The following NPAS3 variants were observed in gnomAD, a reference collection of about 807,000 sequenced individuals.
The protein encoded by NPAS3 is neuronal PAS domain protein 3, also known as neuronal PAS domain-containing protein 3.
In NPAS3, 14 loss-of-function variants were observed where a neutral mutation model predicts 73.1. The observed-to-expected ratio is 0.19, with a 90% CI of 0.13 to 0.30. The LOEUF (loss-of-function observed/expected upper bound fraction) is 0.30. Ranked by LOEUF, NPAS3 falls within the 10% of genes least tolerant of loss-of-function variation. NPAS3 has a pLI of 1.00. For synonymous variants in NPAS3, 620 were observed against 541.5 expected (o/e 1.14, Z -2.01); for missense variants, 1,096 against 1,250.0 (o/e 0.88, Z 1.86).
intron 2 of NPAS3, among the ~76,000 whole-genome samples, chr14:33,140,962 C>T (rs2044023789): frequency 6.6e-6 from 1 of 152,136 alleles, no homozygotes; most frequent in Admixed American, 6.5e-5. Flanking sequence ...GTATGTTTGC[C>T]TCTTCTTTGC....
At chr14:33,037,519 A>G (rs1343749310) in intron 1 of NPAS3, among the ~76,000 whole-genome samples, 1 of 151,688 alleles carries the variant, frequency 6.6e-6, no homozygotes, top group African/African-American at 2.4e-5. Context: ...AGAAAAAATT[A>G]GGTTGGTGTG....
chr14:33,628,794 G>C (rs774681390), intron 5 of NPAS3, among the ~76,000 whole-genome samples: 1 of 152,170 alleles, frequency 6.6e-6, no homozygotes, highest in African/African-American at 2.4e-5. Flanking sequence ...TGGGTATTGA[G>C]AGAGTAAGAA....
chr14:33,137,511 T>G (rs2043882753), intron 2 of NPAS3, among the ~76,000 whole-genome samples: 1 of 152,208 alleles, frequency 6.6e-6, no homozygotes, highest in South Asian at 2.1e-4. Context: ...GGTACTATTT[T>G]AATTGAAGTA....
intron 3 of NPAS3, among the ~76,000 whole-genome samples, chr14:33,332,300 T>C (rs1442034568): frequency 1.3e-5 from 2 of 152,206 alleles, no homozygotes; most frequent in Admixed American, 6.5e-5. Flanking sequence ...TACTTATCTT[T>C]ACAAAGATAA....
chr14:33,286,558 TG>T (rs1431411952), intron 3 of NPAS3, among the ~76,000 whole-genome samples: 2 of 152,208 alleles, frequency 1.3e-5, no homozygotes, highest in Non-Finnish European at 2.9e-5. Context: ...TATCTCCTTG[TG>T]GGGTTACCGA....
At chr14:33,547,790 C>T (rs1017553696) in intron 4 of NPAS3, among the ~76,000 whole-genome samples, 4 of 152,158 alleles carry the variant, frequency 2.6e-5, no homozygotes, top group African/African-American at 9.7e-5. Flanking sequence ...AGGCTACTGT[C>T]ATTTGTCAGG....
At chr14:33,380,075 C>G (rs754019635) in intron 4 of NPAS3, among the ~76,000 whole-genome samples, 2 of 148,764 alleles carry the variant, frequency 1.3e-5, no homozygotes, top group Non-Finnish European at 3.0e-5. Context: ...AAAAAAAATA[C>G]AGATAAGCAA....
At chr14:32,949,837 TTAAGG>T (rs1328883605) in intron 1 of NPAS3, among the ~76,000 whole-genome samples, 1 of 151,978 alleles carries the variant, frequency 6.6e-6, no homozygotes, top group Non-Finnish European at 1.5e-5. Context: ...ATATCACTGT[TTAAGG>T]TATTCTTTTT....
At chr14:33,095,691 G>C (rs71419938) in intron 2 of NPAS3, among the ~76,000 whole-genome samples, 12 of 113,394 alleles carry the variant, frequency 1.1e-4, no homozygotes, top group Non-Finnish European at 1.9e-4. Context: ...TTTTTTGAGA[G>C]GGAGTCTCGC....
intron 2 of NPAS3, among the ~76,000 whole-genome samples, chr14:33,190,087 C>T (rs776595681): frequency 6.6e-6 from 1 of 152,100 alleles, no homozygotes; most frequent in Non-Finnish European, 1.5e-5. Flanking sequence ...CAAGAAAATG[C>T]ATAGAAATAC....
At chr14:33,214,883 CT>C in intron 2 of NPAS3, 1 of 347,682 alleles carries the variant, frequency 2.9e-6, no homozygotes. Context: ...TGTAAACCTT[CT>C]GTTAGGTCTT....
rs184788375 is a variant in NPAS3 at position 32,966,201 on chromosome 14, C to T, written c.50+26835C>T. On this transcript the variant is annotated intron_variant, in intron 1 of 11. Coordinates refer to ENST00000356141, the Ensembl canonical transcript of NPAS3. ...TCTTTATAGAAATAGAAAAAGCAAT[C>T]CTAAAATTTGCAAGGAACCACATAA... 2.0e-5 allele frequency among the ~76,000 whole-genome samples: 3 copies of T among 152,172 alleles called. 1 individual carries two copies. Among genetic ancestry groups the T allele is most frequent in the Admixed American group, 2.0e-4 (3 of 15,290 alleles).
chr14:33,375,196 T>C (rs2046262191), intron 4 of NPAS3, among the ~76,000 whole-genome samples: 1 of 152,132 alleles, frequency 6.6e-6, no homozygotes, highest in Non-Finnish European at 1.5e-5. Flanking sequence ...GAAAGTTGAG[T>C]GACCCTGTAG....
chr14:33,086,556 G>A (rs2042032194), intron 2 of NPAS3, among the ~76,000 whole-genome samples: 2 of 152,124 alleles, frequency 1.3e-5, no homozygotes, highest in South Asian at 4.1e-4. Context: ...AGTAATGTAA[G>A]ACAAATAATG....
intron 2 of NPAS3, among the ~76,000 whole-genome samples, chr14:33,080,260 A>C (rs560104301): frequency 2.6e-5 from 4 of 152,024 alleles, no homozygotes; most frequent in Non-Finnish European, 5.9e-5. Flanking sequence ...GGCGCCCGCC[A>C]CCACGCCTGG....
At chr14:33,508,939 T>C (rs2052905061) in intron 4 of NPAS3, among the ~76,000 whole-genome samples, 1 of 151,962 alleles carries the variant, frequency 6.6e-6, no homozygotes, top group Admixed American at 6.6e-5. Context: ...GTCTCTGGCA[T>C]GAGGTCTCTG....
intron 4 of NPAS3, among the ~76,000 whole-genome samples, chr14:33,405,527 G>C (rs954133726): frequency 1.3e-5 from 2 of 152,020 alleles, no homozygotes; most frequent in African/African-American, 4.8e-5. Flanking sequence ...AACTTGACCA[G>C]GTCAAGTCTT....
intron 4 of NPAS3, among the ~76,000 whole-genome samples, chr14:33,544,831 G>GTA (rs1226225610): frequency 0.11 from 8,513 of 77,384 alleles, 835 homozygotes; most frequent in African/African-American, 0.23. Context: ...ATATATATGT[G>GTA]TATATATATA....
At chr14:33,649,090 C>G (rs1165282837) in intron 5 of NPAS3, among the ~76,000 whole-genome samples, 1 of 152,102 alleles carries the variant, frequency 6.6e-6, no homozygotes, top group Admixed American at 6.5e-5. Context: ...CAAAACTGGC[C>G]TTTGTTTCCA....
Sources: allele counts gnomAD v4.1 joint callset (sites outside exome capture counted in the v4.1 genomes callset), GRCh38; gene constraint gnomAD v4.1.1; transcripts MANE v1.5; gene names NCBI Gene and HGNC (gene_info 2026-07-23, HGNC 2026-07-21).